Variants in HOMER2 observed in about 807,000 individuals in gnomAD.
HOMER2 encodes the protein homer protein homolog 2.
Under a neutral mutation model 47.0 loss-of-function variants are expected in HOMER2, and 27 were observed. The observed-to-expected ratio is 0.57, with a 90% confidence interval of 0.42 to 0.79. The LOEUF is 0.79. Ranked by LOEUF, HOMER2 falls within the 30% of genes least tolerant of loss-of-function variation. The pLI is 0.00. For missense variants in HOMER2, 443 were observed against 435.0 expected, an observed-to-expected ratio of 1.02 and a Z score of -0.16; for synonymous variants, 161 against 163.8, an observed-to-expected ratio of 0.98 and a Z score of 0.13.
At chr15:82,965,260 C>G (rs909537035) in intron 1 of HOMER2, among the ~76,000 whole-genome samples, 1 of 152,192 alleles carries the variant, frequency 6.6e-6, no homozygotes, top group African/African-American at 2.4e-5. Flanking sequence ...CTCAAGTGAT[C>G]CTCCCATCTC....
intron 1 of HOMER2, among the ~76,000 whole-genome samples, chr15:82,972,496 G>C (rs2030029540): frequency 1.3e-5 from 2 of 152,132 alleles, no homozygotes; most frequent in Non-Finnish European, 2.9e-5. Context: ...TTACAGGCAT[G>C]TGCCACCACA....
In HOMER2 at chr15:82,941,928, C is replaced by T. The variant is rs2054276164; in HGVS notation, c.5+10603G>A. ...GAAGAAATGGAAGCTCAAAGAAGGT[C>T]AGCACATTGCTCCAGTCACACAGGC... is the stretch of plus-strand genomic sequence containing the variant. On this transcript the variant is annotated intron_variant, in intron 1 of 8. Transcript: ENST00000450735. Among the ~76,000 whole-genome samples, 3 of 152,110 alleles carry T rather than the reference C, an allele frequency of 2.0e-5. No homozygotes were observed. In the South Asian group the frequency reaches 6.2e-4, roughly 31 times the overall value.
chr15:82,868,520 A>AC (rs2052054315), intron 3 of HOMER2, among the ~76,000 whole-genome samples: 3 of 21,430 alleles, frequency 1.4e-4, no homozygotes, highest in Non-Finnish European at 2.2e-4. Flanking sequence ...TCACTTATTT[A>AC]TTTTATATAT....
chr15:82,873,803 T>C (rs1202141087), intron 3 of HOMER2, among the ~76,000 whole-genome samples: 2 of 152,194 alleles, frequency 1.3e-5, no homozygotes, highest in Non-Finnish European at 2.9e-5. Flanking sequence ...CAGAGGACAG[T>C]CTGTGGGGTA....
chr15:82,838,881 T>A (rs912598214), exon 2 of HOMER2: 6 of 152,196 alleles, frequency 3.9e-5, no homozygotes, highest in African/African-American at 1.4e-4. Context: ...GATTCACCAC[T>A]CCTACACATT....
At position 82,952,654 on chromosome 15, in the gene HOMER2, G is replaced by C; in HGVS notation, c.-119C>G. ...CCCGTGCGCGCCCGGCTCAGCCCCG[G>C]CGCCGCTCCATTCCGCGGGGCTGCG... On this transcript the variant is annotated 5_prime_UTR_variant, in exon 1 of 9. Transcript: ENST00000450735. 7.0e-6 allele frequency: 7 copies of C among 1,006,730 alleles called. No individual in the cohort carries two copies. Among genetic ancestry groups the C allele is most frequent in the Non-Finnish European group, 8.3e-6 (7 of 845,444 alleles). The allele number at this position is 1,006,730 out of a possible 1,614,324, so 62.4% of individuals were successfully genotyped here. A position where few individuals can be genotyped will look rare whatever the true frequency, so the allele number is the denominator to read the frequency against.
intron 2 of HOMER2, among the ~76,000 whole-genome samples, chr15:82,875,606 G>T (rs913018607): frequency 1.3e-5 from 2 of 152,100 alleles, no homozygotes; most frequent in Non-Finnish European, 2.9e-5. Context: ...CCATGAAAAG[G>T]GGCAACTTCA....
chr15:82,978,713 T>C (rs1050980865), intron 1 of HOMER2, among the ~76,000 whole-genome samples: 2 of 152,128 alleles, frequency 1.3e-5, no homozygotes, highest in Admixed American at 1.3e-4. Flanking sequence ...TAAGTTCTCA[T>C]GAGATCTGAC....
At chr15:82,972,431 C>T (rs1052791721) in intron 1 of HOMER2, among the ~76,000 whole-genome samples, 13 of 152,118 alleles carry the variant, frequency 8.5e-5, no homozygotes, top group Admixed American at 7.9e-4. Context: ...GGAAAGCACC[C>T]GAGTGGAAAT....
exon 2 of HOMER2, chr15:82,837,832 A>G (rs1251165450): frequency 2.0e-5 from 3 of 152,304 alleles, no homozygotes; most frequent in Admixed American, 2.0e-4. Context: ...TGGTGTTCCC[A>G]GGGCCTGGGC....
At chr15:82,936,444 A>G (rs1469939634) in intron 1 of HOMER2, among the ~76,000 whole-genome samples, 1 of 152,230 alleles carries the variant, frequency 6.6e-6, no homozygotes, top group African/African-American at 2.4e-5. Context: ...TTTGCTCACC[A>G]TTGATTACAT....
At chr15:82,941,442 C>CAAA (rs10602958) in intron 1 of HOMER2, among the ~76,000 whole-genome samples, 3 of 74,468 alleles carry the variant, frequency 4.0e-5, no homozygotes, top group Non-Finnish European at 5.1e-5. Flanking sequence ...GAGTCTGTCT[C>CAAA]AAAAAAAAAA....
At chr15:82,933,343 C>G (rs1311747270) in intron 1 of HOMER2, among the ~76,000 whole-genome samples, 1 of 152,080 alleles carries the variant, frequency 6.6e-6, no homozygotes, top group Non-Finnish European at 1.5e-5. Context: ...TCTGCTGTCT[C>G]AGCCTCCTGA....
intron 1 of HOMER2, among the ~76,000 whole-genome samples, chr15:82,918,338 G>A (rs1222907766): frequency 6.6e-6 from 1 of 152,098 alleles, no homozygotes; most frequent in African/African-American, 2.4e-5. Context: ...AGAGGTCTTT[G>A]CCAGGGATCC....
Position 82,849,744 on chromosome 15 carries a change from C to T in HOMER2, c.1003G>A (p.Gly335Arg). 1 of 1,613,794 alleles carries T rather than the reference C, an allele frequency of 6.2e-7. No individual in the cohort carries two copies. The highest frequency in any genetic ancestry group is 8.5e-7 in the Non-Finnish European group (1 of 1,179,816). Residue 335 changes from glycine to arginine, a missense_variant, in exon 9 of 9, where the codon GGG (glycine) becomes AGG (arginine). Transcript: ENST00000450735. Reference protein sequence around the residue: ...KIDDLHDFRRGLSKLGTDN With the variant: ...KIDDLHDFRRRLSKLGTDN ...TTATCGGTGCCCAGCTTGGAGAGCC[C>T]TCGGCGGAAGTCATGCAGGTCGTCA...
chr15:82,867,429 G>A (rs1220820327), intron 3 of HOMER2, among the ~76,000 whole-genome samples: 2 of 149,420 alleles, frequency 1.3e-5, no homozygotes, highest in East Asian at 1.9e-4. Context: ...CTATAGCTAA[G>A]CTAGTACAAC....
At chr15:82,949,178 G>A (rs1397021274) in intron 1 of HOMER2, among the ~76,000 whole-genome samples, 1 of 152,206 alleles carries the variant, frequency 6.6e-6, no homozygotes, top group African/African-American at 2.4e-5. Flanking sequence ...AGAGCTCCAT[G>A]TATTGACGAG....
chr15:82,860,956 T>TGA lies in HOMER2; in HGVS notation c.388-1823_388-1822dup, dbSNP rs56063630. 8.7e-3 allele frequency among the ~76,000 whole-genome samples: 369 copies of TGA among 42,428 alleles called. 9 individuals carry two copies. In the Middle Eastern group the frequency reaches 0.12, roughly 13 times the overall value. The allele number at this position is 42,428 out of a possible 152,430, so 27.8% of individuals were successfully genotyped here. On this transcript the variant is annotated intron_variant, in intron 4 of 8. Transcript: ENST00000450735. ...TGTCTCAAAGATAGAAGATAGAAGA[T>TGA]GAGAGAGAGAGAGAGAGAGAGAGAG... is the stretch of plus-strand genomic sequence containing the variant.
chr15:82,880,221 A>G (rs1048810122), intron 2 of HOMER2, among the ~76,000 whole-genome samples: 2 of 152,238 alleles, frequency 1.3e-5, no homozygotes, highest in Non-Finnish European at 1.5e-5. Context: ...TTCTGGCTAC[A>G]AAAGAGTCAA....
Sources: allele counts gnomAD v4.1 joint callset (sites outside exome capture counted in the v4.1 genomes callset), GRCh38; gene constraint gnomAD v4.1.1; transcripts MANE v1.5; gene names NCBI Gene and HGNC (gene_info 2026-07-23, HGNC 2026-07-21).